The following EMILIN1 variants were observed in gnomAD, a reference collection of about 807,000 sequenced individuals.
EMILIN1 encodes elastin microfibril interfacer 1, also known as EMILIN-1.
In EMILIN1, 49 loss-of-function variants were observed where a neutral mutation model predicts 82.4. The ratio of observed to expected loss-of-function variants is 0.59; its 90% CI spans 0.47 to 0.75. EMILIN1 has a LOEUF of 0.75. Ranked by LOEUF, EMILIN1 falls within the 30% of genes least tolerant of loss-of-function variation. EMILIN1 has a pLI of 0.00. For synonymous variants in EMILIN1, 604 were observed against 602.2 expected, an observed-to-expected ratio of 1.00 and a Z score of -0.04; for missense variants, 1,313 against 1,366.4, an observed-to-expected ratio of 0.96 and a Z score of 0.62.
In EMILIN1 at chr2:27,083,947, C is replaced by T. The variant is rs1398001046; in HGVS notation, c.2376C>T (p.Ala792=). The change falls in exon 4 of 8, where the codon GCC becomes GCT. Residue 792 remains alanine (A), a synonymous_variant. Transcript: ENST00000380320. ...CGGGCCTGGGCAGGCGGCTGGGTGC[C>T]CTTAACAGCTCCCTGCAGCTCCTGG... ...GQAGLGRRLG[A]LNSSLQLLED... is the part of the protein sequence containing the mutation. The T allele has an allele frequency of 1.3e-6, 2 of 1,583,066 alleles. No homozygotes were observed. Among genetic ancestry groups the T allele is most frequent in the African/African-American group, 2.7e-5 (2 of 74,242 alleles).
intron 1 of EMILIN1, among the ~76,000 whole-genome samples, chr2:27,079,872 G>A (rs1427772744): frequency 1.3e-5 from 2 of 152,216 alleles, no homozygotes; most frequent in African/African-American, 2.4e-5. Context: ...ACATGATTGT[G>A]TACATTCAGA....
Position 27,085,718 on chromosome 2 carries a change from C to G in EMILIN1, c.2754C>G (p.Ser918Arg). The change falls in exon 8 of 8, where the codon AGC becomes AGG. Residue 918 changes from serine (S) to arginine (R), a missense_variant. Transcript: ENST00000380320. ...CACTGGCTGGACGCTACTTGCTGAGCGCGGTGCTGACTGGGCACCGGCACG... is the reference window on the plus strand; with the variant it reads ...CACTGGCTGGACGCTACTTGCTGAGGGCGGTGCTGACTGGGCACCGGCACG... ...TAPLAGRYLLSAVLTGHRHEK... is the reference protein window; with the variant it reads ...TAPLAGRYLLRAVLTGHRHEK... 6.2e-6 allele frequency: 10 copies of G among 1,606,466 alleles called. No individual in the cohort carries two copies. The highest frequency in any genetic ancestry group is 7.7e-6 in the Non-Finnish European group (9 of 1,174,704).
chr2:27,082,147 G>A lies in EMILIN1; in HGVS notation c.576G>A (p.Leu192=), dbSNP rs755988797. The change falls in exon 4 of 8, where the codon CTG becomes CTA. Residue 192 remains leucine (L), a synonymous_variant. Transcript: ENST00000380320. ...AGGTGCAGAGCCTGACCAAGGAGCT[G>A]CAAGGCCTGCGGGGCGTCCTGCAAG... is the stretch of plus-strand genomic sequence containing the variant. ...EEQVQSLTKE[L]QGLRGVLQGL... is the part of the protein sequence containing the mutation. 1.2e-5 allele frequency: 19 copies of A among 1,613,792 alleles called. No homozygotes were observed. The South Asian group carries it at 2.1e-4, about 18-fold the overall frequency.
In EMILIN1 at chr2:27,083,460, G is replaced by A; in HGVS notation, c.1889G>A (p.Ser630Asn). 2 of 1,613,154 alleles carry A rather than the reference G, an allele frequency of 1.2e-6. No homozygotes were observed. Among genetic ancestry groups the A allele is most frequent in the Non-Finnish European group, 1.7e-6 (2 of 1,179,818 alleles). ...AGCCGTGGGCCCCTGGACGGCTTCA[G>A]CGTGTTTGGGGGCAGCTCAGGCTCA... ...GPSRGPLDGF[S>N]VFGGSSGSAL... Residue 630 changes from serine (S) to asparagine (N), a missense_variant, in exon 4 of 8, where the codon AGC (serine) becomes AAC (asparagine). Physicochemically the swap from Ser to Asn is conservative, Grantham distance 46. Transcript: ENST00000380320.
Position 27,085,963 on chromosome 2 carries a change from C to G in EMILIN1, c.2999C>G (p.Thr1000Ser). 1 of 1,505,844 alleles carries G rather than the reference C, an allele frequency of 6.6e-7. No individual in the cohort carries two copies. The highest frequency in any genetic ancestry group is 8.9e-7 in the Non-Finnish European group (1 of 1,119,280). 93.3% of individuals were successfully genotyped at this position (1,505,844 alleles called of 1,614,324 possible). A position where few individuals can be genotyped will look rare whatever the true frequency, so the allele number is the denominator to read the frequency against. ...GQLAHSEEPL[T>S]IFSGALLYGD... ...CTGGCGCACTCGGAGGAGCCGCTCA[C>G]CATCTTCAGCGGGGCCCTGCTCTAT... Residue 1000 changes from threonine (T) to serine (S), a missense_variant, in exon 8 of 8, where the codon ACC becomes AGC. Thr to Ser is a moderately conservative substitution (Grantham distance 58). Transcript: ENST00000380320.
In EMILIN1 at chr2:27,084,983, TCTC is replaced by T. The variant is rs1309217732; in HGVS notation, c.2558-7_2558-5del. 6.2e-7 allele frequency: 1 copy of T among 1,613,610 alleles called. No homozygotes were observed. The highest frequency in any genetic ancestry group is 8.5e-7 in the Non-Finnish European group (1 of 1,179,480). ...TATTTCTCACTGCTCCCTTTCCTCT[TCTC>T]ACAGGTCCTCAAGGTGAACAGGGTG... On this transcript the variant is annotated splice_polypyrimidine_tract_variant and splice_region_variant and intron_variant, in intron 5 of 7. Coordinates refer to ENST00000380320, the MANE Select transcript of EMILIN1 (RefSeq NM_007046.4).
Position 27,079,004 on chromosome 2 carries a change from C to A in EMILIN1, c.-62C>A. ...TGTGGAGCAGCAGCATCCCCGGGGC[C>A]GGCAGAGGCGCCAGTGGCTGGGCGG... On this transcript the variant is annotated 5_prime_UTR_variant, in exon 1 of 8. Coordinates refer to ENST00000380320, the MANE Select transcript of EMILIN1 (RefSeq NM_007046.4). 1 of 1,329,444 alleles carries A rather than the reference C, an allele frequency of 7.5e-7. No homozygotes were observed. The highest frequency in any genetic ancestry group is 1.0e-6 in the Non-Finnish European group (1 of 995,904). 82.4% of individuals were successfully genotyped at this position (1,329,444 alleles called of 1,614,324 possible). A position where few individuals can be genotyped will look rare whatever the true frequency, so the allele number is the denominator to read the frequency against.
At chr2:27,079,363 G>T in intron 1 of EMILIN1, 128 bp downstream of exon 1, 1 of 806,572 alleles carries the variant, frequency 1.2e-6, no homozygotes, top group East Asian at 3.3e-5. Flanking sequence ...TCCATCAGGT[G>T]GCTCCTCACA....
chr2:27,082,510 C>A lies in EMILIN1; in HGVS notation c.939C>A (p.Arg313=). Residue 313 remains arginine (R), a synonymous_variant, in exon 4 of 8, where the codon CGC becomes CGA. Transcript: ENST00000380320. Reference sequence around the variant, plus strand: ...GCCTGGCCGGGCTAGATGGCTTCCGCCGGCAGCAGCAGGAGGACAGGGAGC... The same window carrying A: ...GCCTGGCCGGGCTAGATGGCTTCCGACGGCAGCAGCAGGAGGACAGGGAGC... ...SVCLAGLDGF[R]RQQQEDRERL... 6.5e-7 allele frequency: 1 copy of A among 1,545,982 alleles called. No homozygotes were observed. The highest frequency in any genetic ancestry group is 1.2e-5 in the South Asian group (1 of 84,654).
chr2:27,083,133 T>G lies in EMILIN1; in HGVS notation c.1562T>G (p.Val521Gly). 6.3e-7 allele frequency: 1 copy of G among 1,586,112 alleles called. No homozygotes were observed. Residue 521 changes from valine to glycine, a missense_variant, in exon 4 of 8, where the codon GTG (valine) becomes GGG (glycine). Physicochemically the swap from Val to Gly is moderately radical, Grantham distance 109. Transcript: ENST00000380320. ...CTGGTGGGCTCCGGCCTGCACACGG[T>G]GGAAGCAGCGGGGGAGGCCCGGCAG... ...LRLVGSGLHT[V>G]EAAGEARQAT...
chr2:27,084,659 C>T (rs916806303), intron 5 of EMILIN1, 128 bp downstream of exon 5: 9 of 655,796 alleles, frequency 1.4e-5, no homozygotes, highest in South Asian at 3.6e-5. Context: ...ACTACCTGAC[C>T]GATAAGGGAA....
Position 27,079,125 on chromosome 2 carries a change from G to A in EMILIN1, c.60G>A (p.Gly20=). Residue 20 remains glycine, a synonymous_variant, in exon 1 of 8, where the codon GGG becomes GGA. Transcript: ENST00000380320. ...YLCCLLTAAA[G]AASYPPRGFS... is the part of the protein sequence containing the mutation. ...GCTGCCTGCTGACGGCAGCTGCAGG[G>A]GCCGCCAGCTACCCTCCTCGAGGTT... The A allele has an allele frequency of 1.2e-6, 2 of 1,604,642 alleles. No individual in the cohort carries two copies. The highest frequency in any genetic ancestry group is 1.7e-6 in the Non-Finnish European group (2 of 1,175,914).
Position 27,080,950 on chromosome 2 carries a change from A to G in EMILIN1, c.509A>G (p.Glu170Gly). ...AGSPLSGLGGEGPGESEKVQQ... is the reference protein window; with the variant it reads ...AGSPLSGLGGGGPGESEKVQQ... ...AGCCCCCTCAGTGGACTGGGGGGAG[A>G]AGGTGAGTGTGGGAGCTGCTGCGAG... The change falls in exon 3 of 8, where the codon GAA (glutamate) becomes GGA (glycine). Residue 170 changes from glutamate to glycine, a missense_variant and splice_region_variant. Glu to Gly is a moderately conservative substitution (Grantham distance 98, BLOSUM62 -2). Coordinates refer to ENST00000380320, the MANE Select transcript of EMILIN1 (RefSeq NM_007046.4). The G allele has an allele frequency of 6.3e-7, 1 of 1,581,024 alleles. No individual in the cohort carries two copies. Among genetic ancestry groups the G allele is most frequent in the Non-Finnish European group, 8.6e-7 (1 of 1,161,964 alleles).
chr2:27,085,742 C>T lies in EMILIN1; in HGVS notation c.2778C>T (p.His926=), dbSNP rs752741123. The T allele has an allele frequency of 5.0e-6, 8 of 1,610,700 alleles. No individual in the cohort carries two copies. The South Asian group carries it at 6.6e-5, about 13-fold the overall frequency. The change falls in exon 8 of 8, where the codon CAC becomes CAT. Residue 926 remains histidine (H), a synonymous_variant. Coordinates refer to ENST00000380320, the MANE Select transcript of EMILIN1 (RefSeq NM_007046.4). ...GCGCGGTGCTGACTGGGCACCGGCA[C>T]GAGAAAGTGGAGGCCGTGCTGTCCC... ...LLSAVLTGHR[H]EKVEAVLSRS... is the part of the protein sequence containing the mutation.
Position 27,083,891 on chromosome 2 carries a change from G to C in EMILIN1, c.2320G>C (p.Ala774Pro). The change falls in exon 4 of 8, where the codon GCC (alanine) becomes CCC (proline). Residue 774 changes from alanine (A) to proline (P), a missense_variant. Transcript: ENST00000380320. ...CAACACCACCAGCCAGATGCAGGCA[G>C]CCCTGCTGGAGAAGCTGGTCGGGGG... ...ETNTTSQMQA[A>P]LLEKLVGGQA... 1.2e-6 allele frequency: 2 copies of C among 1,609,292 alleles called. No individual in the cohort carries two copies. The highest frequency in any genetic ancestry group is 1.7e-6 in the Non-Finnish European group (2 of 1,176,784).
chr2:27,081,108 C>CGTGTGTGTGTGT (rs56048649), intron 3 of EMILIN1, among the ~76,000 whole-genome samples, 156 bp downstream of exon 3: 36 of 142,654 alleles, frequency 2.5e-4, no homozygotes, highest in Middle Eastern at 3.6e-3. Flanking sequence ...ATTCCCTGCC[C>CGTGTGTGTGTGT]GTGTGTGTGT....
chr2:27,079,069 GC>G lies in EMILIN1; in HGVS notation c.10del (p.Arg4AlafsTer12), dbSNP rs1553340313. On this transcript the variant is annotated frameshift_variant, in exon 1 of 8. Coordinates refer to ENST00000380320, the MANE Select transcript of EMILIN1 (RefSeq NM_007046.4). LOFTEE classifies it high-confidence loss of function. M[A>X]PRTLWSCYLC... is the part of the protein sequence containing the mutation. ...GGCCACTGTGGAGCGCCCCGCCATG[GC>G]CCCCCGCACCCTCTGGAGCTGCTAC... 5.1e-6 allele frequency: 8 copies of G among 1,561,742 alleles called. No individual in the cohort carries two copies. The highest frequency in any genetic ancestry group is 3.5e-5 in the South Asian group (3 of 86,730).
intron 1 of EMILIN1, 86 bp from the exon 2 acceptor site, chr2:27,080,065 C>A: frequency 6.6e-7 from 1 of 1,507,150 alleles, no homozygotes. Flanking sequence ...TCTTTGGAGC[C>A]TTCTTCAGCC....
In EMILIN1 at chr2:27,080,786, C is replaced by A; in HGVS notation, c.345C>A (p.Asp115Glu). The A allele has an allele frequency of 6.2e-7, 1 of 1,613,850 alleles. No homozygotes were observed. Among genetic ancestry groups the A allele is most frequent in the Non-Finnish European group, 8.5e-7 (1 of 1,179,980 alleles). ...RYRVAYKTVTDMEWRCCQGYG... is the reference protein window; with the variant it reads ...RYRVAYKTVTEMEWRCCQGYG... ...GTGTGGCCTACAAGACAGTGACCGACATGGAGTGGAGGTGCTGTCAGGGTT... is the reference window on the plus strand; with the variant it reads ...GTGTGGCCTACAAGACAGTGACCGAAATGGAGTGGAGGTGCTGTCAGGGTT... Residue 115 changes from aspartate to glutamate, a missense_variant, in exon 3 of 8, where the codon GAC (aspartate) becomes GAA (glutamate). Physicochemically the swap from Asp to Glu is conservative, Grantham distance 45. Transcript: ENST00000380320.
Sources: gnomAD v4.1 joint callset for allele counts (sites outside exome capture counted in the v4.1 genomes callset) on GRCh38, gnomAD v4.1.1 for gene constraint, MANE v1.5 for transcripts, NCBI Gene and HGNC (gene_info 2026-07-23, HGNC 2026-07-21) for gene names.